Variants in SEMA5A observed in about 807,000 individuals in gnomAD.
SEMA5A encodes semaphorin 5A.
Under a neutral mutation model 135.5 loss-of-function variants are expected in SEMA5A, and 55 were observed. The observed-to-expected ratio is 0.41, with a 90% confidence interval of 0.33 to 0.51. SEMA5A has a LOEUF of 0.51. SEMA5A is among the 20% of genes least tolerant of loss of function. The pLI, the probability that SEMA5A is intolerant of heterozygous loss-of-function variation, is 0.37. For missense variants in SEMA5A, 1,290 were observed against 1,419.9 expected, an observed-to-expected ratio of 0.91 and a Z score of 1.47; for synonymous variants, 580 against 546.5, an observed-to-expected ratio of 1.06 and a Z score of -0.85.
chr5:9,134,071 T>C (rs1741591926), intron 13 of SEMA5A, among the ~76,000 whole-genome samples: 1 of 152,180 alleles, frequency 6.6e-6, no homozygotes, highest in African/African-American at 2.4e-5. Context: ...TCTTCTTCAC[T>C]TTCTGCCATG....
At chr5:9,090,454 A>G (rs1208048607) in intron 16 of SEMA5A, among the ~76,000 whole-genome samples, 1 of 152,210 alleles carries the variant, frequency 6.6e-6, no homozygotes, top group Non-Finnish European at 1.5e-5. Flanking sequence ...TGAAAGTTTA[A>G]GTAAAGAAGA....
chr5:9,067,878 G>T (rs1339966300), intron 16 of SEMA5A, among the ~76,000 whole-genome samples: 2 of 151,930 alleles, frequency 1.3e-5, no homozygotes, highest in Non-Finnish European at 2.9e-5. Context: ...GTTTCTGGAA[G>T]ATTTCCTCAA....
chr5:9,182,739 T>C (rs1049864283), intron 11 of SEMA5A, among the ~76,000 whole-genome samples: 1 of 151,354 alleles, frequency 6.6e-6, no homozygotes, highest in Non-Finnish European at 1.5e-5. Flanking sequence ...TTTTATACAA[T>C]GGCGGATCCT....
chr5:9,201,427 A>G (rs899669786), intron 9 of SEMA5A, among the ~76,000 whole-genome samples: 1 of 152,244 alleles, frequency 6.6e-6, no homozygotes, highest in Non-Finnish European at 1.5e-5. Flanking sequence ...CAAAAGTATA[A>G]TTGACATTTA....
Position 9,338,206 on chromosome 5 carries a change from T to C in SEMA5A, c.125-394A>G, listed in dbSNP as rs1753482427. 2.0e-5 allele frequency among the ~76,000 whole-genome samples: 3 copies of C among 152,216 alleles called. No homozygotes were observed. The South Asian group carries it at 6.2e-4, about 32-fold the overall frequency. On this transcript the variant is annotated intron_variant, in intron 3 of 22. Transcript: ENST00000382496. ...CAAAAGAGCTGCAGATTTTTAAATA[T>C]TACAAAAGCCTCCTTAGGAGCAAGG...
chr5:9,452,567 G>A (rs896000837), intron 1 of SEMA5A, among the ~76,000 whole-genome samples: 1 of 152,312 alleles, frequency 6.6e-6, no homozygotes, highest in Admixed American at 6.5e-5. Flanking sequence ...AATTATTAAG[G>A]CTATGTTGAA....
chr5:9,185,936 A>G (rs1744783487), intron 11 of SEMA5A, among the ~76,000 whole-genome samples: 1 of 152,168 alleles, frequency 6.6e-6, no homozygotes, highest in Non-Finnish European at 1.5e-5. Context: ...AGGGACTGTC[A>G]CAGTGGTGGG....
At chr5:9,397,526 C>T (rs889674041) in intron 2 of SEMA5A, among the ~76,000 whole-genome samples, 1 of 152,180 alleles carries the variant, frequency 6.6e-6, no homozygotes, top group Non-Finnish European at 1.5e-5. Flanking sequence ...CAATGCAGGT[C>T]TTTAAGGTTA....
At chr5:9,132,980 C>CT (rs202138974) in intron 13 of SEMA5A, among the ~76,000 whole-genome samples, 206 of 152,018 alleles carry the variant, frequency 1.4e-3, no homozygotes, top group African/African-American at 4.3e-3. Context: ...CTTCCCTCTG[C>CT]TTTTTTTTGT....
At chr5:9,316,263 C>A (rs1402714901) in intron 5 of SEMA5A, among the ~76,000 whole-genome samples, 1 of 152,136 alleles carries the variant, frequency 6.6e-6, no homozygotes, top group African/African-American at 2.4e-5. Context: ...AAACAACAAG[C>A]TCTTCCAGTC....
chr5:9,251,121 T>C (rs916721746), intron 5 of SEMA5A, among the ~76,000 whole-genome samples: 2 of 152,070 alleles, frequency 1.3e-5, no homozygotes, highest in Non-Finnish European at 2.9e-5. Flanking sequence ...AAGGATAAAT[T>C]TGGGCTAGTG....
intron 14 of SEMA5A, among the ~76,000 whole-genome samples, chr5:9,120,819 G>A (rs938488502): frequency 9.4e-5 from 14 of 148,712 alleles, no homozygotes; most frequent in African/African-American, 1.5e-4. Context: ...TCGCTCTGTC[G>A]CCAGGCTGGA....
chr5:9,273,457 G>A (rs1750093191), intron 5 of SEMA5A, among the ~76,000 whole-genome samples: 2 of 152,044 alleles, frequency 1.3e-5, no homozygotes, highest in South Asian at 4.1e-4. Flanking sequence ...TAGCAAGGCA[G>A]GCCAACATTC....
chr5:9,051,554 T>C (rs892246935), intron 20 of SEMA5A, among the ~76,000 whole-genome samples: 1 of 152,176 alleles, frequency 6.6e-6, no homozygotes, highest in African/African-American at 2.4e-5. Flanking sequence ...TAACCTAATA[T>C]TAAAATAACC....
intron 5 of SEMA5A, among the ~76,000 whole-genome samples, chr5:9,283,981 A>G (rs1284248202): frequency 6.6e-6 from 1 of 152,094 alleles, no homozygotes; most frequent in East Asian, 1.9e-4. Context: ...CTTACTAAAA[A>G]ATAGATAGAT....
intron 20 of SEMA5A, 126 bp downstream of exon 20, chr5:9,051,747 C>G: frequency 8.5e-7 from 1 of 1,175,822 alleles, no homozygotes; most frequent in Non-Finnish European, 1.2e-6. Context: ...ACCTTGAAAC[C>G]ATGGGGCTTG....
chr5:9,355,591 G>A (rs1754404996), intron 3 of SEMA5A, among the ~76,000 whole-genome samples: 1 of 152,142 alleles, frequency 6.6e-6, no homozygotes, highest in Admixed American at 6.5e-5. Context: ...TTTCCTGGAT[G>A]TCTACGCGGA....
intron 2 of SEMA5A, among the ~76,000 whole-genome samples, chr5:9,410,947 C>G (rs185097923): frequency 3.3e-4 from 48 of 146,958 alleles, no homozygotes; most frequent in African/African-American, 1.2e-3. Context: ...TATATTTATT[C>G]TTGAGTTATA....
At chr5:9,278,765 C>G (rs1750392125) in intron 5 of SEMA5A, among the ~76,000 whole-genome samples, 1 of 152,194 alleles carries the variant, frequency 6.6e-6, no homozygotes, top group Non-Finnish European at 1.5e-5. Flanking sequence ...GGTGCAAGCC[C>G]CAAGCCTCAG....
Sources: allele counts gnomAD v4.1 joint callset (sites outside exome capture counted in the v4.1 genomes callset), GRCh38; gene constraint gnomAD v4.1.1; transcripts MANE v1.5; gene names NCBI Gene and HGNC (gene_info 2026-07-23, HGNC 2026-07-21).